The following PDE6A variants were observed in gnomAD, a reference collection of about 807,000 sequenced individuals.
PDE6A encodes the protein phosphodiesterase 6A.
PDE6A carries 84 observed loss-of-function variants against 106.3 expected under a neutral mutation model. That is an observed-to-expected ratio of 0.79 (90% confidence interval 0.66 to 0.95). The LOEUF (loss-of-function observed/expected upper bound fraction) is 0.95, where lower values mean the gene tolerates loss of function less well. Ranked by LOEUF, PDE6A falls within the 40% of genes least tolerant of loss-of-function variation. PDE6A has a pLI of 0.00. For missense variants in PDE6A, 1,052 were observed against 1,084.9 expected (o/e 0.97, Z 0.43); for synonymous variants, 394 against 386.6 (o/e 1.02, Z -0.23).
At chr5:149,889,219 AT>A (rs1289155999) in intron 13 of PDE6A, among the ~76,000 whole-genome samples, 2 of 151,742 alleles carry the variant, frequency 1.3e-5, no homozygotes, top group Non-Finnish European at 2.9e-5. Flanking sequence ...AAAACAACAA[AT>A]TTTCTTTGAG....
At chr5:149,862,811 C>A in intron 21 of PDE6A, among the ~76,000 whole-genome samples, 1 of 152,192 alleles carries the variant, frequency 6.6e-6, no homozygotes, top group East Asian at 1.9e-4. Flanking sequence ...TATAGATCTT[C>A]TCCTTTGTCC....
At chr5:149,903,618 G>A (rs749128974) in intron 8 of PDE6A, 30 bp downstream of exon 8, 4 of 1,580,186 alleles carry the variant, frequency 2.5e-6, no homozygotes, top group Non-Finnish European at 2.6e-6. Flanking sequence ...AAAATCATAT[G>A]ACTAAGACTG....
At chr5:149,911,967 A>G (rs1753402690) in intron 6 of PDE6A, among the ~76,000 whole-genome samples, 1 of 152,144 alleles carries the variant, frequency 6.6e-6, no homozygotes, top group Non-Finnish European at 1.5e-5. Context: ...CAGCCTGGCA[A>G]CATAGTGAGA....
At chr5:149,902,577 T>C (rs1218447942) in intron 8 of PDE6A, among the ~76,000 whole-genome samples, 2 of 151,392 alleles carry the variant, frequency 1.3e-5, no homozygotes, top group Non-Finnish European at 2.9e-5. Flanking sequence ...TCCCAGCACT[T>C]TGGGAGGCCG....
At chr5:149,876,040 C>T (rs1447313856) in intron 17 of PDE6A, among the ~76,000 whole-genome samples, 2 of 151,898 alleles carry the variant, frequency 1.3e-5, no homozygotes, top group East Asian at 1.9e-4. Flanking sequence ...TTTCATTGAT[C>T]GATTTTCATA....
chr5:149,884,354 A>ATATGTGTGTATATG (rs1761057332), intron 16 of PDE6A, 125 bp downstream of exon 16: 1 of 675,812 alleles, frequency 1.5e-6, no homozygotes, highest in African/African-American at 1.8e-5. Flanking sequence ...GTGTGTATAT[A>ATATGTGTGTATATG]TGTGTATATA....
rs1752885514 is a variant in PDE6A, at chr5:149,899,462, G to C, written c.1176C>G (p.Asn392Lys). The change falls in exon 9 of 22, where the codon AAC becomes AAG. Residue 392 changes from asparagine (N) to lysine (K), a missense_variant. Asn to Lys is a moderately conservative substitution (Grantham distance 94, BLOSUM62 0). Transcript: ENST00000255266. ...CCACTCCAACAATTTCTTCCTTCTT[G>C]TTCACAATCGGCATTGAAAGCACAT... ...IKNVLSMPIVNKKEEIVGVAT... is the reference protein window; with the variant it reads ...IKNVLSMPIVKKKEEIVGVAT... 4 of 1,613,996 alleles carry C rather than the reference G, an allele frequency of 2.5e-6. No homozygotes were observed. Among genetic ancestry groups the C allele is most frequent in the Non-Finnish European group, 3.4e-6 (4 of 1,179,914 alleles).
In PDE6A at chr5:149,860,927, C is replaced by A. The variant is rs1042180679; in HGVS notation, c.2551G>T (p.Ala851Ser). The change falls in exon 22 of 22, where the codon GCA becomes TCA. Residue 851 changes from alanine (A) to serine (S), a missense_variant. Physicochemically the swap from Ala to Ser is moderately conservative, Grantham distance 99 (BLOSUM62 1). This residue lies in a region of PDE6A where 135 missense variants were observed against 153.2 expected (regional missense o/e 0.88). Coordinates refer to ENST00000255266, the MANE Select transcript of PDE6A (RefSeq NM_000440.3). ...QPGGNPSPGG[A>S]TTSKSCCIQ Reference sequence around the variant, plus strand: ...ATGCAGCAGGACTTGGATGTAGTTGCACCCCCTGGGCTGGGGTTTCCCCCC... The same window carrying A: ...ATGCAGCAGGACTTGGATGTAGTTGAACCCCCTGGGCTGGGGTTTCCCCCC... 6.2e-7 allele frequency: 1 copy of A among 1,614,150 alleles called. No homozygotes were observed.
intron 13 of PDE6A, among the ~76,000 whole-genome samples, chr5:149,890,964 T>C (rs541591770): frequency 6.6e-6 from 1 of 152,318 alleles, no homozygotes; most frequent in East Asian, 1.9e-4. Context: ...TAATAAACAG[T>C]GCTATGCACC....
At chr5:149,936,201 G>GGAAGGAAGGAAGGAAGGAAT (rs1754179907) in intron 1 of PDE6A, among the ~76,000 whole-genome samples, 1 of 150,800 alleles carries the variant, frequency 6.6e-6, no homozygotes, top group Non-Finnish European at 1.5e-5. Context: ...AAGGAAGGAA[G>GGAAGGAAGGAAGGAAGGAAT]GAATTCAGAG....
chr5:149,903,049 T>C (rs1191997852), intron 8 of PDE6A, among the ~76,000 whole-genome samples: 1 of 148,226 alleles, frequency 6.7e-6, no homozygotes, highest in African/African-American at 2.5e-5. Flanking sequence ...ATTGGCAGGC[T>C]GAGGCAGGAG....
chr5:149,864,977 C>T lies in PDE6A; in HGVS notation c.2358+1193G>A, dbSNP rs140051445. Among the ~76,000 whole-genome samples the T allele has an allele frequency of 8.2e-4, 125 of 152,298 alleles. No homozygotes were observed. The East Asian group carries it at 0.022, about 27-fold the overall frequency. On this transcript the variant is annotated intron_variant, in intron 20 of 21. Transcript: ENST00000255266. ...TCCCTCAGCTGGGCACCATGGCTCACGCCTGTAATCCCAGCACTTTGGGAG... is the reference window on the plus strand; with the variant it reads ...TCCCTCAGCTGGGCACCATGGCTCATGCCTGTAATCCCAGCACTTTGGGAG...
intron 4 of PDE6A, among the ~76,000 whole-genome samples, chr5:149,930,072 T>C (rs769030432): frequency 6.6e-6 from 1 of 152,182 alleles, no homozygotes; most frequent in African/African-American, 2.4e-5. Context: ...TATGTTTCAA[T>C]ATAAAGGCTC....
chr5:149,898,413 T>C lies in PDE6A; in HGVS notation c.1357A>G (p.Ile453Val). 3 of 1,612,368 alleles carry C rather than the reference T, an allele frequency of 1.9e-6. No individual in the cohort carries two copies. The highest frequency in any genetic ancestry group is 2.5e-6 in the Non-Finnish European group (3 of 1,178,410). The change falls in exon 10 of 22, where the codon ATA becomes GTA. Residue 453 changes from isoleucine (I) to valine (V), a missense_variant. By Grantham distance (29) the Ile-to-Val change is conservative (BLOSUM62 3). Transcript: ENST00000255266. ...TCACACTTCACATGATATTTTACTA[T>C]GTCCTGGAAAATATCCTTCCTATTT... The part of the protein sequence containing the change: ...LENRKDIFQD[I>V]VKYHVKCDNE...
At chr5:149,900,635 A>G (rs1169955489) in intron 8 of PDE6A, among the ~76,000 whole-genome samples, 2 of 151,884 alleles carry the variant, frequency 1.3e-5, no homozygotes, top group Admixed American at 6.6e-5. Context: ...AAGTTTCAAG[A>G]TTCTTAACAT....
chr5:149,925,699 T>G (rs1161559576), intron 4 of PDE6A, among the ~76,000 whole-genome samples: 1 of 102,936 alleles, frequency 9.7e-6, no homozygotes, highest in Non-Finnish European at 1.9e-5. Flanking sequence ...AGAATGAGAC[T>G]CTGTCTCAAA....
chr5:149,860,910 G>A lies in PDE6A; in HGVS notation c.2568C>T (p.Ser856=), dbSNP rs147000954. The change falls in exon 22 of 22, where the codon TCC becomes TCT. Residue 856 remains serine (S), a synonymous_variant. Transcript: ENST00000255266. ...CCCAGTGGTGTTACTGGATGCAGCA[G>A]GACTTGGATGTAGTTGCACCCCCTG... The part of the protein sequence containing the change: ...PSPGGATTSK[S]CCIQ 284 of 1,614,110 alleles carry A rather than the reference G, an allele frequency of 1.8e-4. No homozygotes were observed. In the African/African-American group the frequency reaches 3.4e-3, roughly 19 times the overall value.
chr5:149,935,877 C>A (rs139549290), intron 1 of PDE6A, among the ~76,000 whole-genome samples: 2 of 152,122 alleles, frequency 1.3e-5, no homozygotes, highest in African/African-American at 2.4e-5. Context: ...CTGGGCCAGG[C>A]GTGGTGGTTT....
chr5:149,913,756 A>C (rs1024414792), intron 6 of PDE6A, among the ~76,000 whole-genome samples: 1 of 152,212 alleles, frequency 6.6e-6, no homozygotes, highest in Non-Finnish European at 1.5e-5. Context: ...AGAACCATGG[A>C]TGTGGCTTTT....
Sources: allele counts gnomAD v4.1 joint callset (sites outside exome capture counted in the v4.1 genomes callset), GRCh38; gene constraint gnomAD v4.1.1; regional missense constraint gnomAD v4.1.1; transcripts MANE v1.5; gene names NCBI Gene and HGNC (gene_info 2026-07-23, HGNC 2026-07-21).